The following ACSL3 variants were observed in gnomAD, a reference collection of about 807,000 sequenced individuals.
The protein encoded by ACSL3 is fatty acid CoA ligase Acsl3.
Under a neutral mutation model 84.7 loss-of-function variants are expected in ACSL3, and 34 were observed. The observed-to-expected ratio is 0.40, with a 90% CI of 0.31 to 0.53. ACSL3 has a LOEUF of 0.53. Among genes scored for constraint, ACSL3 ranks in the 20% least tolerant of loss-of-function variants. The pLI is 0.48. For missense variants in ACSL3, 680 were observed against 873.1 expected, an observed-to-expected ratio of 0.78 and a Z score of 2.79; for synonymous variants, 315 against 299.4, an observed-to-expected ratio of 1.05 and a Z score of -0.54.
intron 4 of ACSL3, 137 bp downstream of exon 4, chr2:222,909,287 C>T: frequency 1.2e-6 from 1 of 840,920 alleles, no homozygotes; most frequent in South Asian, 1.8e-5. Flanking sequence ...GGCTAGACTA[C>T]CTTCTAATTT....
chr2:222,901,366 A>G (rs781429008), intron 3 of ACSL3, among the ~76,000 whole-genome samples: 8 of 152,114 alleles, frequency 5.3e-5, no homozygotes, highest in Non-Finnish European at 1.0e-4. Context: ...TGTCCATAAT[A>G]TAAGGATTTA....
rs556163126 is a variant in ACSL3 at position 222,908,824 on chromosome 2, A to G, written c.52A>G (p.Ile18Val). 9.0e-5 allele frequency: 145 copies of G among 1,605,852 alleles called. No individual in the cohort carries two copies. The highest frequency in any genetic ancestry group is 1.2e-4 in the Non-Finnish European group (137 of 1,176,080). Residue 18 changes from isoleucine to valine, a missense_variant, in exon 4 of 17, where the codon ATC becomes GTC. Physicochemically the swap from Ile to Val is conservative, Grantham distance 29. Coordinates refer to ENST00000357430, the MANE Select transcript of ACSL3 (RefSeq NM_004457.5). ...KPSTMKLKHT[I>V]NPILLYFIHF... ...ATCTACCATGAAGCTAAAACATACC[A>G]TCAACCCTATTCTTTTATATTTTAT...
intron 7 of ACSL3, chr2:222,921,047 C>T: frequency 1.6e-6 from 1 of 623,438 alleles, no homozygotes; most frequent in Non-Finnish European, 3.1e-6. Flanking sequence ...CTCACCTTGT[C>T]TTGCTTCAGT....
intron 2 of ACSL3, among the ~76,000 whole-genome samples, chr2:222,899,770 T>A (rs979029571): frequency 2.0e-5 from 3 of 152,160 alleles, no homozygotes; most frequent in Non-Finnish European, 4.4e-5. Context: ...AAGGAATAAT[T>A]TTCTTAATTA....
intron 2 of ACSL3, among the ~76,000 whole-genome samples, chr2:222,899,347 C>T (rs770329083): frequency 4.0e-5 from 6 of 151,498 alleles, no homozygotes; most frequent in Admixed American, 6.6e-5. Context: ...TGGTGGCAGG[C>T]GACTGTCGTC....
chr2:222,923,625 T>C (rs1033174198), intron 10 of ACSL3, among the ~76,000 whole-genome samples: 1 of 152,090 alleles, frequency 6.6e-6, no homozygotes, highest in East Asian at 1.9e-4. Context: ...TTACATAATA[T>C]AGGGGCCTGG....
intron 1 of ACSL3, among the ~76,000 whole-genome samples, chr2:222,886,451 T>C (rs1168916613): frequency 1.3e-5 from 2 of 152,216 alleles, no homozygotes. Flanking sequence ...TTTACAAAAA[T>C]TAATAACAAA....
rs1351211728 is a variant in ACSL3, at chr2:222,941,793, T to G, written c.*139T>G. ...TTCTCATGACGTCACCATTTTTAAC[T>G]GACAGGATTAGTAAAACATTAAGAC... is the stretch of plus-strand genomic sequence containing the variant. On this transcript the variant is annotated 3_prime_UTR_variant, in exon 17 of 17. Coordinates refer to ENST00000357430, the MANE Select transcript of ACSL3 (RefSeq NM_004457.5). The G allele has an allele frequency of 2.2e-6, 2 of 919,850 alleles. No individual in the cohort carries two copies. Among genetic ancestry groups the G allele is most frequent in the African/African-American group, 3.4e-5 (2 of 58,530 alleles). 57.0% of individuals were successfully genotyped at this position (919,850 alleles called of 1,614,324 possible).
intron 14 of ACSL3, among the ~76,000 whole-genome samples, chr2:222,931,832 T>C (rs1697038117): frequency 6.6e-6 from 1 of 152,182 alleles, no homozygotes; most frequent in Admixed American, 6.5e-5. Context: ...AAATTAGAGC[T>C]GATGTTCTTC....
chr2:222,880,621 G>GATCAAGACCATCCTGGCTAAC (rs1331010722), intron 1 of ACSL3, among the ~76,000 whole-genome samples: 2 of 151,940 alleles, frequency 1.3e-5, no homozygotes, highest in Non-Finnish European at 2.9e-5. Context: ...GAGATCAGGA[G>GATCAAGACCATCCTGGCTAAC]ATCAAGACCA....
Position 222,944,200 on chromosome 2 carries a change from C to G in ACSL3, c.*2546C>G, listed in dbSNP as rs1216969611. Reference sequence around the variant, plus strand: ...TAGTGGATTTGATATTTATAATGTTCTCTAAAGCTTGCAACTTTTTCAGCA... The same window carrying G: ...TAGTGGATTTGATATTTATAATGTTGTCTAAAGCTTGCAACTTTTTCAGCA... On this transcript the variant is annotated 3_prime_UTR_variant, in exon 17 of 17. Transcript: ENST00000357430. 6.6e-6 allele frequency: 1 copy of G among 152,100 alleles called. No individual in the cohort carries two copies. Among genetic ancestry groups the G allele is most frequent in the East Asian group, 1.9e-4 (1 of 5,204 alleles). The allele number at this position is 152,100 out of a possible 1,614,324, so 9.4% of individuals were successfully genotyped here.
chr2:222,930,241 T>G (rs1354259471), intron 13 of ACSL3, among the ~76,000 whole-genome samples: 1 of 152,174 alleles, frequency 6.6e-6, no homozygotes, highest in African/African-American at 2.4e-5. Context: ...AACTCATTCT[T>G]ATATAGGGAT....
chr2:222,909,140 T>A lies in ACSL3; in HGVS notation c.368T>A (p.Ile123Asn), dbSNP rs752018930. The change falls in exon 4 of 17, where the codon ATT (isoleucine) becomes AAT (asparagine). Residue 123 changes from isoleucine to asparagine, a missense_variant. This residue lies in a region of ACSL3 where 333 missense variants were observed against 347.5 expected (regional missense o/e 0.96). Transcript: ENST00000357430. ...GATGAAGTACAACCAAATGGAAAAATTTTTAAAAAGGTAAGATGATCTTTC... is the reference window on the plus strand; with the variant it reads ...GATGAAGTACAACCAAATGGAAAAAATTTTAAAAAGGTAAGATGATCTTTC... ...EEDEVQPNGK[I>N]FKKVILGQYN... The A allele has an allele frequency of 9.4e-6, 15 of 1,593,402 alleles. No homozygotes were observed. The highest frequency in any genetic ancestry group is 1.3e-5 in the Non-Finnish European group (15 of 1,175,228).
Position 222,916,426 on chromosome 2 carries a change from C to T in ACSL3, c.486C>T (p.Ile162=), listed in dbSNP as rs377468217. Residue 162 remains isoleucine (I), a synonymous_variant, in exon 5 of 17, where the codon ATC becomes ATT. Coordinates refer to ENST00000357430, the MANE Select transcript of ACSL3 (RefSeq NM_004457.5). ...TGGGTCAGAAACCAAAGACCAACAT[C>T]GCCATCTTCTGTGAGACCAGGGCCG... ...QMLGQKPKTN[I]AIFCETRAEW... The T allele has an allele frequency of 4.8e-5, 77 of 1,613,922 alleles. No individual in the cohort carries two copies. The highest frequency in any genetic ancestry group is 6.2e-5 in the Non-Finnish European group (73 of 1,179,964).
intron 4 of ACSL3, 114 bp downstream of exon 4, chr2:222,909,264 A>T: frequency 1.9e-6 from 2 of 1,046,570 alleles, no homozygotes; most frequent in Non-Finnish European, 2.8e-6. Context: ...AAGGAGAAGC[A>T]GTGTAGGAAG....
intron 11 of ACSL3, among the ~76,000 whole-genome samples, chr2:222,925,795 T>G (rs777552712): frequency 5.9e-5 from 9 of 152,230 alleles, no homozygotes; most frequent in Non-Finnish European, 1.0e-4. Context: ...TGAATATAAT[T>G]AAATGTTTTG....
chr2:222,879,598 A>G (rs1363390740), intron 1 of ACSL3, among the ~76,000 whole-genome samples: 2 of 152,218 alleles, frequency 1.3e-5, no homozygotes, highest in Non-Finnish European at 2.9e-5. Flanking sequence ...CAGTCCTCTT[A>G]GCTGCTTCTG....
rs1024783453 is a variant in ACSL3, at chr2:222,942,559, G to C, written c.*905G>C. 6 of 195,738 alleles carry C rather than the reference G, an allele frequency of 3.1e-5. No individual in the cohort carries two copies. Among genetic ancestry groups the C allele is most frequent in the African/African-American group, 1.2e-4 (5 of 43,292 alleles). The allele number at this position is 195,738 out of a possible 1,614,324, so 12.1% of individuals were successfully genotyped here. On this transcript the variant is annotated 3_prime_UTR_variant, in exon 17 of 17. Coordinates refer to ENST00000357430, the MANE Select transcript of ACSL3 (RefSeq NM_004457.5). ...ATTTCGTTGACTATATGTACATTGAGTTATCTATATTTGTAAACAAATTAG... is the reference window on the plus strand; with the variant it reads ...ATTTCGTTGACTATATGTACATTGACTTATCTATATTTGTAAACAAATTAG...
chr2:222,918,571 G>GTTT (rs936012479), intron 6 of ACSL3, among the ~76,000 whole-genome samples: 1 of 27,004 alleles, frequency 3.7e-5, no homozygotes, highest in African/African-American at 2.9e-4. Flanking sequence ...TTATATTACA[G>GTTT]TAAAAAGAGT....
Sources: gnomAD v4.1 joint callset for allele counts (sites outside exome capture counted in the v4.1 genomes callset) on GRCh38, gnomAD v4.1.1 for gene constraint, gnomAD v4.1.1 regional missense constraint, MANE v1.5 for transcripts, NCBI Gene and HGNC (gene_info 2026-07-23, HGNC 2026-07-21) for gene names.